The following SETD5 variants were observed in gnomAD, a reference collection of about 807,000 sequenced individuals.
The protein encoded by SETD5 is SET domain containing 5.
SETD5 carries 44 observed loss-of-function variants against 153.3 expected under a neutral mutation model. That is an observed-to-expected ratio of 0.29 (90% CI 0.23 to 0.37). The LOEUF is 0.37. Ranked by LOEUF, SETD5 falls within the 10% of genes least tolerant of loss-of-function variation. SETD5 has a pLI of 1.00. For missense variants in SETD5, 1,544 were observed against 1,768.0 expected (o/e 0.87, Z 2.27); for synonymous variants, 716 against 645.2 (o/e 1.11, Z -1.66).
intron 18 of SETD5, among the ~76,000 whole-genome samples, chr3:9,469,516 C>G (rs924278438): frequency 6.6e-6 from 1 of 152,110 alleles, no homozygotes; most frequent in African/African-American, 2.4e-5. Context: ...TAATATGAAA[C>G]TGAAAAAGGT....
chr3:9,472,763 T>G (rs1296245638), intron 19 of SETD5, among the ~76,000 whole-genome samples: 2 of 151,816 alleles, frequency 1.3e-5, no homozygotes, highest in Non-Finnish European at 2.9e-5. Context: ...TCTCCCTGCT[T>G]CTTTCTCTCA....
In SETD5 at chr3:9,447,766, G is replaced by A. The variant is rs374237333; in HGVS notation, c.1863G>A (p.Arg621=). ...CCCGGCCGAAGAGTCGAATTTCTCG[G>A]TACAGGACCAGTTCAGCCCAAAGAC... ...SRPRPKSRIS[R]YRTSSAQRLK... is the part of the protein sequence containing the mutation. The change falls in exon 15 of 23, where the codon CGG becomes CGA. Residue 621 remains arginine, a synonymous_variant. Transcript: ENST00000402198. The A allele has an allele frequency of 4.3e-6, 7 of 1,614,004 alleles. No homozygotes were observed. Among genetic ancestry groups the A allele is most frequent in the East Asian group, 2.2e-5 (1 of 44,888 alleles).
chr3:9,454,000 T>C (rs1181482154), intron 17 of SETD5, 132 bp downstream of exon 17: 1 of 1,084,576 alleles, frequency 9.2e-7, no homozygotes, highest in Non-Finnish European at 1.2e-6. Flanking sequence ...CATCTGTCTT[T>C]ACAGAGGAAG....
chr3:9,400,164 A>T (rs2034525742), intron 1 of SETD5, among the ~76,000 whole-genome samples: 1 of 152,172 alleles, frequency 6.6e-6, no homozygotes, highest in African/African-American at 2.4e-5. Context: ...ATAATCTCCT[A>T]CCCATTTATG....
chr3:9,417,224 T>C (rs1302361138), intron 1 of SETD5, among the ~76,000 whole-genome samples: 4 of 152,328 alleles, frequency 2.6e-5, no homozygotes, highest in Admixed American at 2.0e-4. Flanking sequence ...ACTGCTATTA[T>C]ATAATGCTAC....
chr3:9,474,935 T>C, intron 21 of SETD5, 133 bp from the exon 22 acceptor site: 1 of 773,778 alleles, frequency 1.3e-6, no homozygotes. Context: ...TCTGGCATGC[T>C]GCACTCACCC....
chr3:9,445,553 T>A, intron 12 of SETD5, 104 bp from the exon 13 acceptor site: 1 of 1,060,354 alleles, frequency 9.4e-7, no homozygotes. Context: ...GTTAACAGTT[T>A]AAAGCACTAG....
intron 18 of SETD5, among the ~76,000 whole-genome samples, chr3:9,467,802 CTG>C (rs1374593746): frequency 6.6e-6 from 1 of 152,094 alleles, no homozygotes; most frequent in Non-Finnish European, 1.5e-5. Flanking sequence ...GTCCTACCCT[CTG>C]TAGGATACAG....
At chr3:9,410,929 C>T (rs1202744522) in intron 1 of SETD5, among the ~76,000 whole-genome samples, 1 of 147,308 alleles carries the variant, frequency 6.8e-6, no homozygotes, top group East Asian at 2.0e-4. Context: ...CGCTCTGTTT[C>T]GCAGGCTGGA....
At chr3:9,456,600 G>T (rs967314964) in intron 17 of SETD5, among the ~76,000 whole-genome samples, 5 of 151,970 alleles carry the variant, frequency 3.3e-5, no homozygotes, top group African/African-American at 1.2e-4. Context: ...ATAGTATCAG[G>T]CCCATAAGAG....
rs775604283 is a variant in SETD5 at position 9,475,505 on chromosome 3, G to T, written c.3743G>T (p.Arg1248Leu). Reference sequence around the variant, plus strand: ...TAGCTCCTGCAGTGTGATAGTCCTCGGACAGAATCACAAAGCCTCCTTCAG... The same window carrying T: ...TAGCTCCTGCAGTGTGATAGTCCTCTGACAGAATCACAAAGCCTCCTTCAG... The part of the protein sequence containing the change: ...SYQLLQCDSP[R>L]TESQSLLQQS... Residue 1248 changes from arginine to leucine, a missense_variant, in exon 23 of 23, where the codon CGG (arginine) becomes CTG (leucine). By Grantham distance (102) the Arg-to-Leu change is moderately radical. Around this residue, in one of 9 missense-constraint regions of SETD5, gnomAD observed 302 missense variants for 277.6 expected, o/e 1.09. Transcript: ENST00000402198. The T allele has an allele frequency of 1.2e-6, 2 of 1,613,256 alleles. No homozygotes were observed. Among genetic ancestry groups the T allele is most frequent in the South Asian group, 2.2e-5 (2 of 91,048 alleles).
rs2041152150 is a variant in SETD5 at position 9,440,587 on chromosome 3, T to G, written c.699T>G (p.Leu233=). 6 of 1,613,878 alleles carry G rather than the reference T, an allele frequency of 3.7e-6. No homozygotes were observed. The highest frequency in any genetic ancestry group is 5.1e-6 in the Non-Finnish European group (6 of 1,179,870). Reference sequence around the variant, plus strand: ...ACAGTGCAGATGTACAGAACGCGCTTGAACAACACCTACATTCTAGCAAGG... The same window carrying G: ...ACAGTGCAGATGTACAGAACGCGCTGGAACAACACCTACATTCTAGCAAGG... ...NQYSADVQNA[L]EQHLHSSKEF... The change falls in exon 8 of 23, where the codon CTT becomes CTG. Residue 233 remains leucine (L), a synonymous_variant. Coordinates refer to ENST00000402198, the MANE Select transcript of SETD5 (RefSeq NM_001080517.3).
chr3:9,448,734 T>G, intron 16 of SETD5, 104 bp downstream of exon 16: 1 of 1,144,984 alleles, frequency 8.7e-7, no homozygotes, highest in South Asian at 1.7e-5. Flanking sequence ...GTTCTCTAGA[T>G]AGCCACTCTG....
chr3:9,421,151 T>A (rs2038335832), intron 1 of SETD5, among the ~76,000 whole-genome samples: 1 of 152,066 alleles, frequency 6.6e-6, no homozygotes. Flanking sequence ...CCAGGATTCA[T>A]AGAAATTTGG....
At position 9,447,868 on chromosome 3, in the gene SETD5, T is replaced by C; in HGVS notation, c.1965T>C (p.Ser655=). The C allele has an allele frequency of 1.2e-6, 2 of 1,613,882 alleles. No individual in the cohort carries two copies. Among genetic ancestry groups the C allele is most frequent in the African/African-American group, 1.3e-5 (1 of 75,026 alleles). The change falls in exon 15 of 23, where the codon AGT becomes AGC. Residue 655 remains serine (S), a synonymous_variant. Coordinates refer to ENST00000402198, the MANE Select transcript of SETD5 (RefSeq NM_001080517.3). Reference sequence around the variant, plus strand: ...CCTTGGAAGAGGGAGGAAGTAACAGTTTAGTAACTCCTACTGAAGCTGGAA... The same window carrying C: ...CCTTGGAAGAGGGAGGAAGTAACAGCTTAGTAACTCCTACTGAAGCTGGAA... The part of the protein sequence containing the change: ...QAALEEGGSN[S]LVTPTEAGSL...
At position 9,445,141 on chromosome 3, in the gene SETD5, A is replaced by G. The variant is rs750697428; in HGVS notation, c.1281A>G (p.Pro427=). Residue 427 remains proline (P), a synonymous_variant, in exon 12 of 23, where the codon CCA becomes CCG. Coordinates refer to ENST00000402198, the MANE Select transcript of SETD5 (RefSeq NM_001080517.3). ...ATGCTACAGAACTGCCACTCCTACC[A>G]CCTCCTCCAAGCCTACCCACCATTG... is the stretch of plus-strand genomic sequence containing the variant. ...NPNATELPLL[P]PPPSLPTIGA... is the part of the protein sequence containing the mutation. 9 of 1,613,694 alleles carry G rather than the reference A, an allele frequency of 5.6e-6. No homozygotes were observed. In the African/African-American group the frequency reaches 8.0e-5, roughly 14 times the overall value.
intron 3 of SETD5, chr3:9,430,071 C>T (rs1002152859): frequency 6.6e-6 from 7 of 1,053,456 alleles, no homozygotes; most frequent in African/African-American, 1.7e-5. Context: ...GCTCTAATTC[C>T]CCTGTTTCTC....
At chr3:9,461,820 G>C (rs1445512070) in intron 17 of SETD5, among the ~76,000 whole-genome samples, 1 of 152,126 alleles carries the variant, frequency 6.6e-6, no homozygotes, top group Non-Finnish European at 1.5e-5. Context: ...GGACCTAGCA[G>C]TACAGAGATC....
chr3:9,474,157 G>A (rs916414373), intron 20 of SETD5, among the ~76,000 whole-genome samples: 3 of 152,124 alleles, frequency 2.0e-5, no homozygotes, highest in African/African-American at 7.2e-5. Context: ...TGTGTATCAG[G>A]CACATGATTT....
Sources: allele counts gnomAD v4.1 joint callset (sites outside exome capture counted in the v4.1 genomes callset), GRCh38; gene constraint gnomAD v4.1.1; regional missense constraint gnomAD v4.1.1; transcripts MANE v1.5; gene names NCBI Gene and HGNC (gene_info 2026-07-23, HGNC 2026-07-21).